The following CAMK4 variants were observed in gnomAD, a reference collection of about 807,000 sequenced individuals.
The protein encoded by CAMK4 is calcium/calmodulin dependent protein kinase IV.
CAMK4 carries 22 observed loss-of-function variants against 44.9 expected under a neutral mutation model. The ratio of observed to expected loss-of-function variants is 0.49; its 90% CI spans 0.35 to 0.70. The LOEUF is 0.70. CAMK4 is among the 30% of genes least tolerant of loss of function. CAMK4 has a pLI of 0.01. For missense variants in CAMK4, 498 were observed against 586.8 expected (o/e 0.85, Z 1.56); for synonymous variants, 218 against 215.4 (o/e 1.01, Z -0.11).
chr5:111,280,717 T>A (rs1750974053), intron 1 of CAMK4, among the ~76,000 whole-genome samples: 1 of 152,180 alleles, frequency 6.6e-6, no homozygotes. Flanking sequence ...AGATGGTAAC[T>A]GTGACACAGT....
intron 1 of CAMK4, chr5:111,302,210 C>G (rs1747749935): frequency 6.6e-6 from 1 of 152,536 alleles, no homozygotes; most frequent in Admixed American, 6.5e-5. Flanking sequence ...GTCCCAATTA[C>G]CTTATAAATG....
chr5:111,370,671 C>G (rs1750968654), intron 2 of CAMK4, among the ~76,000 whole-genome samples: 1 of 152,144 alleles, frequency 6.6e-6, no homozygotes, highest in African/African-American at 2.4e-5. Context: ...GATCCCAGCA[C>G]TTTGGGAGGC....
Position 111,450,248 on chromosome 5 carries a change from C to T in CAMK4, c.625+1045C>T, listed in dbSNP as rs185035036. Among the ~76,000 whole-genome samples, 79 of 152,274 alleles carry T rather than the reference C, an allele frequency of 5.2e-4. 1 individual carries two copies. The highest frequency in any genetic ancestry group is 3.4e-3 in the Middle Eastern group (1 of 294). On this transcript the variant is annotated intron_variant, in intron 7 of 10. Transcript: ENST00000282356. ...CCTCAGGAAGCTGAGACAGGAGAATCCCTAGAACCCAGGAGGCGGAGGTTG... is the reference window on the plus strand; with the variant it reads ...CCTCAGGAAGCTGAGACAGGAGAATTCCTAGAACCCAGGAGGCGGAGGTTG...
chr5:111,402,808 T>C (rs1233180307), intron 5 of CAMK4, among the ~76,000 whole-genome samples: 2 of 152,238 alleles, frequency 1.3e-5, no homozygotes, highest in Non-Finnish European at 2.9e-5. Context: ...CATATGATGC[T>C]GGGAACCGCT....
intron 1 of CAMK4, among the ~76,000 whole-genome samples, chr5:111,255,087 T>G (rs1346892315): frequency 6.6e-6 from 1 of 152,020 alleles, no homozygotes; most frequent in Non-Finnish European, 1.5e-5. Flanking sequence ...TGGTTTTATG[T>G]GGTGTTTAAA....
At chr5:111,345,297 A>G (rs1195940344) in intron 2 of CAMK4, among the ~76,000 whole-genome samples, 1 of 151,928 alleles carries the variant, frequency 6.6e-6, no homozygotes. Context: ...AATGAATTCT[A>G]TATTCTGAAT....
intron 1 of CAMK4, among the ~76,000 whole-genome samples, chr5:111,230,969 G>A (rs1165566427): frequency 6.6e-6 from 1 of 152,032 alleles, no homozygotes; most frequent in Non-Finnish European, 1.5e-5. Context: ...AGGACAAAGA[G>A]GAACTTTTCA....
Position 111,325,465 on chromosome 5 carries a change from T to A in CAMK4, c.162-18559T>A, listed in dbSNP as rs559697998. On this transcript the variant is annotated intron_variant, in intron 1 of 10. Transcript: ENST00000282356. The stretch of plus-strand genomic sequence containing the variant: ...TGTCTTCCACAATGGTTGAACTAAT[T>A]TACACTCTCACCAACGATGTAAAAG... Among the ~76,000 whole-genome samples the A allele has an allele frequency of 3.9e-5, 6 of 152,180 alleles. No individual in the cohort carries two copies. The South Asian group carries it at 8.3e-4, about 21-fold the overall frequency.
intron 1 of CAMK4, among the ~76,000 whole-genome samples, chr5:111,318,552 C>G (rs1227387885): frequency 1.3e-5 from 2 of 152,132 alleles, no homozygotes; most frequent in African/African-American, 4.8e-5. Context: ...GAGGAACTAA[C>G]AGAGTGGAAA....
chr5:111,439,567 A>G (rs1277345423), intron 5 of CAMK4, among the ~76,000 whole-genome samples: 1 of 152,186 alleles, frequency 6.6e-6, no homozygotes, highest in Non-Finnish European at 1.5e-5. Context: ...ACTTAGGGTA[A>G]ACTATGAGTT....
intron 1 of CAMK4, among the ~76,000 whole-genome samples, chr5:111,251,884 G>A (rs1345889254): frequency 6.8e-6 from 1 of 146,252 alleles, no homozygotes; most frequent in Non-Finnish European, 1.5e-5. Flanking sequence ...TTGTGTTTGG[G>A]GTTCACTGAC....
At chr5:111,465,590 A>T (rs1462470730) in intron 7 of CAMK4, among the ~76,000 whole-genome samples, 3 of 152,334 alleles carry the variant, frequency 2.0e-5, no homozygotes, top group South Asian at 4.1e-4. Context: ...TATGTGCATG[A>T]ACTAGGAAAC....
At chr5:111,288,961 G>T (rs1010259498) in intron 1 of CAMK4, among the ~76,000 whole-genome samples, 3 of 152,208 alleles carry the variant, frequency 2.0e-5, no homozygotes, top group Non-Finnish European at 2.9e-5. Flanking sequence ...CATGCACAGA[G>T]TGCTAATTTT....
chr5:111,302,204 C>CA (rs932341807), intron 1 of CAMK4: 23 of 152,162 alleles, frequency 1.5e-4, no homozygotes, highest in African/African-American at 5.3e-4. Context: ...CTCGGGGTCC[C>CA]AATTACCTTA....
intron 2 of CAMK4, among the ~76,000 whole-genome samples, chr5:111,349,904 T>C (rs531978456): frequency 8.5e-5 from 13 of 152,164 alleles, no homozygotes; most frequent in Admixed American, 8.5e-4. Flanking sequence ...TGGAAAAGCT[T>C]GTATTAATCT....
chr5:111,271,951 G>A (rs1328157282), intron 1 of CAMK4, among the ~76,000 whole-genome samples: 1 of 152,088 alleles, frequency 6.6e-6, no homozygotes, highest in East Asian at 1.9e-4. Flanking sequence ...TCTCTCCCGC[G>A]ATTCTTGAAT....
intron 4 of CAMK4, among the ~76,000 whole-genome samples, chr5:111,377,449 A>G (rs573796460): frequency 1.6e-5 from 2 of 126,328 alleles, no homozygotes; most frequent in Non-Finnish European, 3.2e-5. Flanking sequence ...GTTATAGCCA[A>G]TTATTGCCAA....
Position 111,439,824 on chromosome 5 carries a change from T to A in CAMK4, c.460-6862T>A, listed in dbSNP as rs570421942. On this transcript the variant is annotated intron_variant, in intron 5 of 10. Transcript: ENST00000282356. ...GAAGGAGGCTGAAAGAACAGAGGAG[T>A]CAGGAAAGCCAGGCTGCTGATGCCA... Among the ~76,000 whole-genome samples, 12 of 151,714 alleles carry A rather than the reference T, an allele frequency of 7.9e-5. No homozygotes were observed. In the South Asian group the frequency reaches 1.3e-3, roughly 16 times the overall value.
chr5:111,273,070 A>G lies in CAMK4; in HGVS notation c.161+48426A>G, dbSNP rs1750583128. Among the ~76,000 whole-genome samples the G allele has an allele frequency of 3.3e-5, 5 of 152,194 alleles. 1 individual carries two copies. In the South Asian group the frequency reaches 1.0e-3, roughly 32 times the overall value. ...TGCCTCACTGATTCACTTTTCTGTA[A>G]GTCTGGAAATTGTTGTCATGTTGGA... On this transcript the variant is annotated intron_variant, in intron 1 of 10. Coordinates refer to ENST00000282356, the MANE Select transcript of CAMK4 (RefSeq NM_001744.6).
Sources: allele counts gnomAD v4.1 joint callset (sites outside exome capture counted in the v4.1 genomes callset), GRCh38; gene constraint gnomAD v4.1.1; transcripts MANE v1.5; gene names NCBI Gene and HGNC (gene_info 2026-07-23, HGNC 2026-07-21).